KCNMB2: variants seen among roughly 807,000 people sequenced by gnomAD.
KCNMB2 encodes potassium calcium-activated channel subfamily M regulatory beta subunit 2.
In KCNMB2, 9 loss-of-function variants were observed where a neutral mutation model predicts 24.5. The ratio of observed to expected loss-of-function variants is 0.37; its 90% CI spans 0.22 to 0.64. KCNMB2 has a LOEUF of 0.64. Among genes scored for constraint, KCNMB2 ranks in the 30% least tolerant of loss-of-function variants. KCNMB2 has a pLI of 0.63. For missense variants in KCNMB2, 226 were observed against 284.3 expected (o/e 0.79, Z 1.47); for synonymous variants, 109 against 104.4 (o/e 1.04, Z -0.27).
At chr3:178,620,701 A>T (rs1718879600) in intron 1 of KCNMB2, among the ~76,000 whole-genome samples, 1 of 152,220 alleles carries the variant, frequency 6.6e-6, no homozygotes, top group Admixed American at 6.5e-5. Flanking sequence ...TTTTGGGGAA[A>T]CACTAACATT....
intron 1 of KCNMB2, among the ~76,000 whole-genome samples, chr3:178,669,121 T>C (rs762359468): frequency 1.3e-5 from 2 of 152,016 alleles, no homozygotes; most frequent in Non-Finnish European, 2.9e-5. Flanking sequence ...TGGTGTAGTG[T>C]GTAGGGTGGG....
chr3:178,701,612 C>T (rs6800876), intron 1 of KCNMB2, among the ~76,000 whole-genome samples: 58,158 of 151,652 alleles, frequency 0.38, 11,174 homozygotes, highest in Middle Eastern at 0.51. Flanking sequence ...GTGAAGGATA[C>T]GAACAGACAC....
intron 1 of KCNMB2, among the ~76,000 whole-genome samples, chr3:178,636,066 TATAAC>T (rs1165448668): frequency 6.6e-6 from 1 of 152,264 alleles, no homozygotes; most frequent in African/African-American, 2.4e-5. Context: ...TTAAATTAGA[TATAAC>T]ATAATTTATT....
chr3:178,652,571 A>T (rs541898977), intron 1 of KCNMB2, among the ~76,000 whole-genome samples: 2 of 152,140 alleles, frequency 1.3e-5, no homozygotes, highest in Admixed American at 6.5e-5. Context: ...TTAATTTAAT[A>T]ATGTTACGTA....
chr3:178,569,379 C>T (rs1345718059), intron 1 of KCNMB2, among the ~76,000 whole-genome samples: 2 of 152,150 alleles, frequency 1.3e-5, no homozygotes, highest in Non-Finnish European at 2.9e-5. Flanking sequence ...ACCACATCTG[C>T]GGTGTAGAGG....
chr3:178,686,117 G>A (rs918701082), intron 1 of KCNMB2, among the ~76,000 whole-genome samples: 3 of 152,196 alleles, frequency 2.0e-5, no homozygotes, highest in South Asian at 2.1e-4. Flanking sequence ...TCACTTTTTA[G>A]TATAGATAGG....
At chr3:178,636,243 T>C (rs1719516272) in intron 1 of KCNMB2, among the ~76,000 whole-genome samples, 1 of 152,120 alleles carries the variant, frequency 6.6e-6, no homozygotes, top group Non-Finnish European at 1.5e-5. Context: ...TTGTAGGAAC[T>C]TGGGTGGAAG....
intron 1 of KCNMB2, among the ~76,000 whole-genome samples, chr3:178,604,742 G>A (rs184922364): frequency 3.0e-4 from 46 of 152,276 alleles, no homozygotes; most frequent in Non-Finnish European, 5.6e-4. Flanking sequence ...TACTCATTCT[G>A]AAGTTACTTG....
At position 178,780,058 on chromosome 3, in the gene KCNMB2, A is replaced by T. The variant is rs1439760470; in HGVS notation, c.-67-27285A>T. Among the ~76,000 whole-genome samples, 77 of 111,854 alleles carry T rather than the reference A, an allele frequency of 6.9e-4. 1 individual carries two copies. In the South Asian group the frequency reaches 0.014, roughly 21 times the overall value. The allele number at this position is 111,854 out of a possible 152,430, so 73.4% of individuals were successfully genotyped here. ...GACCAATTAGTTGTTTTTTTTAAAAAAAAAAAAAAAAAAAGCACTATGAAA... is the reference window on the plus strand; with the variant it reads ...GACCAATTAGTTGTTTTTTTTAAAATAAAAAAAAAAAAAAGCACTATGAAA... On this transcript the variant is annotated intron_variant, in intron 1 of 4. Transcript: ENST00000452583.
chr3:178,662,814 A>G (rs1217172458), intron 1 of KCNMB2, among the ~76,000 whole-genome samples: 1 of 152,058 alleles, frequency 6.6e-6, no homozygotes, highest in African/African-American at 2.4e-5. Context: ...GGATTATCTC[A>G]CTGTCTTCAC....
chr3:178,759,308 TCCAA>T (rs1377139892), intron 1 of KCNMB2, among the ~76,000 whole-genome samples: 9 of 105,042 alleles, frequency 8.6e-5, no homozygotes, highest in African/African-American at 3.5e-4. Flanking sequence ...TATATATATC[TCCAA>T]GAGGATATAT....
At chr3:178,758,071 T>G (rs1318816450) in intron 1 of KCNMB2, among the ~76,000 whole-genome samples, 1 of 60,020 alleles carries the variant, frequency 1.7e-5, no homozygotes. Flanking sequence ...TCCAAGAGGA[T>G]ATATATATAT....
intron 1 of KCNMB2, among the ~76,000 whole-genome samples, chr3:178,671,892 C>G (rs1417873598): frequency 6.6e-6 from 1 of 152,168 alleles, no homozygotes; most frequent in Non-Finnish European, 1.5e-5. Context: ...CTTTTCAGTT[C>G]GTTGGGTAAC....
At position 178,816,917 on chromosome 3, in the gene KCNMB2, T is replaced by C. The variant is rs143558347; in HGVS notation, c.57-8671T>C. On this transcript the variant is annotated intron_variant, in intron 2 of 4. Transcript: ENST00000452583. ...TCTGGACGATTCACATAATTTTCTG[T>C]TTCTTTCTATATCTTGGATTAAAGC... 9.5e-4 allele frequency among the ~76,000 whole-genome samples: 145 copies of C among 152,288 alleles called. No individual in the cohort carries two copies. The Middle Eastern group carries it at 0.014, about 14-fold the overall frequency.
At chr3:178,539,834 T>C (rs1414963211) in intron 1 of KCNMB2, among the ~76,000 whole-genome samples, 1 of 152,224 alleles carries the variant, frequency 6.6e-6, no homozygotes, top group South Asian at 2.1e-4. Flanking sequence ...TGGTTCCTTA[T>C]TATTTCCTAA....
chr3:178,740,088 T>TC (rs1723445825), intron 1 of KCNMB2, among the ~76,000 whole-genome samples: 1 of 152,166 alleles, frequency 6.6e-6, no homozygotes, highest in African/African-American at 2.4e-5. Context: ...ATTTTTTTTT[T>TC]CCTTCTGCTG....
chr3:178,841,200 A>G (rs1715415097), intron 4 of KCNMB2, among the ~76,000 whole-genome samples: 2 of 152,254 alleles, frequency 1.3e-5, no homozygotes, highest in African/African-American at 4.8e-5. Context: ...GGTAAGTGCA[A>G]CCTTTGCTCC....
intron 2 of KCNMB2, among the ~76,000 whole-genome samples, chr3:178,814,964 C>G (rs1301514769): frequency 6.6e-6 from 1 of 152,014 alleles, no homozygotes; most frequent in Non-Finnish European, 1.5e-5. Context: ...TGCAGAAGCT[C>G]TTTAGTTTAA....
chr3:178,711,050 C>T (rs1278507836), intron 1 of KCNMB2, among the ~76,000 whole-genome samples: 2 of 151,994 alleles, frequency 1.3e-5, no homozygotes, highest in Non-Finnish European at 2.9e-5. Context: ...TATACCTATC[C>T]GTTTATATAA....
Sources: gnomAD v4.1 joint callset for allele counts (sites outside exome capture counted in the v4.1 genomes callset) on GRCh38, gnomAD v4.1.1 for gene constraint, MANE v1.5 for transcripts, NCBI Gene and HGNC (gene_info 2026-07-23, HGNC 2026-07-21) for gene names.